Variants in CASTOR2 observed in about 807,000 individuals in gnomAD.
CASTOR2 encodes cytosolic arginine sensor for mTORC1 subunit 2.
In CASTOR2, 8 loss-of-function variants were observed where a neutral mutation model predicts 31.2. That is an observed-to-expected ratio of 0.26 (90% CI 0.15 to 0.46). The LOEUF (loss-of-function observed/expected upper bound fraction) is 0.46, where lower values mean the gene tolerates loss of function less well. Among genes scored for constraint, CASTOR2 ranks in the 20% least tolerant of loss-of-function variants. The probability of loss-of-function intolerance (pLI) is 0.99; values close to 1 mark genes in which losing one functional copy is unlikely to be tolerated. For missense variants in CASTOR2, 216 were observed against 382.1 expected (o/e 0.57, Z 3.62); for synonymous variants, 162 against 158.7 (o/e 1.02, Z -0.16).
At chr7:75,010,531 C>T (rs1384813737) in intron 2 of CASTOR2, among the ~76,000 whole-genome samples, 3 of 152,068 alleles carry the variant, frequency 2.0e-5, no homozygotes, top group South Asian at 2.1e-4. Flanking sequence ...CTGAGACCCT[C>T]GGCTGGCCCA....
At chr7:74,990,535 TAGTG>T (rs1804182837) in intron 1 of CASTOR2, among the ~76,000 whole-genome samples, 1 of 123,130 alleles carries the variant, frequency 8.1e-6, no homozygotes, top group African/African-American at 3.0e-5. Flanking sequence ...TTGTGCAACA[TAGTG>T]AGACCCTGGT....
chr7:75,016,032 C>T (rs1224828617), intron 2 of CASTOR2, among the ~76,000 whole-genome samples: 2 of 152,138 alleles, frequency 1.3e-5, no homozygotes, highest in African/African-American at 4.8e-5. Flanking sequence ...TGCCAATGTA[C>T]TCCAGCCTGG....
chr7:75,006,493 A>T (rs1355997767), intron 1 of CASTOR2, among the ~76,000 whole-genome samples: 1 of 152,136 alleles, frequency 6.6e-6, no homozygotes, highest in African/African-American at 2.4e-5. Context: ...TGACCCATGG[A>T]TACACCAGCC....
chr7:75,004,383 G>A (rs1804562952), intron 1 of CASTOR2, among the ~76,000 whole-genome samples: 1 of 152,034 alleles, frequency 6.6e-6, no homozygotes, highest in African/African-American at 2.4e-5. Context: ...GTGGGTGGTT[G>A]TTCCAGCAGA....
chr7:74,970,021 G>A (rs587678737), intron 1 of CASTOR2, among the ~76,000 whole-genome samples: 2 of 149,964 alleles, frequency 1.3e-5, no homozygotes, highest in African/African-American at 2.4e-5. Context: ...AAACAGAATT[G>A]GGATTTGAAC....
intron 1 of CASTOR2, among the ~76,000 whole-genome samples, chr7:74,999,601 C>CTTTTGTTTTTT (rs1804444708): frequency 2.2e-5 from 1 of 45,760 alleles, no homozygotes; most frequent in African/African-American, 1.3e-4. Context: ...TCACTCACTG[C>CTTTTGTTTTTT]TTTTTTTTTT....
chr7:74,983,696 G>T (rs1187255395), intron 1 of CASTOR2, among the ~76,000 whole-genome samples: 1 of 151,166 alleles, frequency 6.6e-6, no homozygotes, highest in Admixed American at 6.6e-5. Context: ...TGGCACCATG[G>T]TGTGGGGAAT....
chr7:75,002,791 G>A (rs1250748563), intron 1 of CASTOR2, among the ~76,000 whole-genome samples: 4 of 151,850 alleles, frequency 2.6e-5, no homozygotes, highest in Non-Finnish European at 5.9e-5. Context: ...TGACCTTCGA[G>A]TATAGAAGAC....
At chr7:74,973,572 GTACCC>G (rs1488337998) in intron 1 of CASTOR2, among the ~76,000 whole-genome samples, 2 of 57,510 alleles carry the variant, frequency 3.5e-5, no homozygotes, top group African/African-American at 1.4e-4. Flanking sequence ...GTGAGCCACT[GTACCC>G]AGCCATTAAG....
chr7:75,017,478 C>T, intron 2 of CASTOR2, 120 bp from the exon 3 acceptor site: 2 of 1,232,012 alleles, frequency 1.6e-6, no homozygotes, highest in Non-Finnish European at 2.3e-6. Flanking sequence ...GAAAGTGAGG[C>T]AAGGCACAGG....
At chr7:75,004,145 G>A (rs1368889375) in intron 1 of CASTOR2, among the ~76,000 whole-genome samples, 2 of 152,178 alleles carry the variant, frequency 1.3e-5, no homozygotes, top group Non-Finnish European at 1.5e-5. Context: ...CCAGCTCATG[G>A]CAGTCTGGTG....
chr7:74,996,715 CTTTTT>C (rs1179122101), intron 1 of CASTOR2, among the ~76,000 whole-genome samples: 5 of 40,792 alleles, frequency 1.2e-4, no homozygotes, highest in African/African-American at 3.9e-4. Flanking sequence ...ATGCCTGGTG[CTTTTT>C]TTTTTTTTTT....
At chr7:75,016,723 A>G (rs1300361451) in intron 2 of CASTOR2, among the ~76,000 whole-genome samples, 206 of 152,354 alleles carry the variant, frequency 1.4e-3, no homozygotes, top group African/African-American at 3.6e-3. Flanking sequence ...TACTGATGCC[A>G]TCGTTTTACG....
chr7:75,027,133 T>A lies in CASTOR2; in HGVS notation c.*2434T>A, dbSNP rs1265452277. ...ACGCGGGCACATTTGAGCCACCATATATTTTTAATTCAAGTATATAGGCAA... is the reference window on the plus strand; with the variant it reads ...ACGCGGGCACATTTGAGCCACCATAAATTTTTAATTCAAGTATATAGGCAA... On this transcript the variant is annotated 3_prime_UTR_variant, in exon 9 of 9. Coordinates refer to ENST00000616305, the MANE Select transcript of CASTOR2 (RefSeq NM_001145064.3). The A allele has an allele frequency of 6.6e-6, 1 of 152,230 alleles. No individual in the cohort carries two copies. The highest frequency in any genetic ancestry group is 1.5e-5 in the Non-Finnish European group (1 of 68,048). 9.4% of individuals were successfully genotyped at this position (152,230 alleles called of 1,614,324 possible).
At chr7:75,022,013 T>G in intron 7 of CASTOR2, 57 bp downstream of exon 7, 1 of 1,543,542 alleles carries the variant, frequency 6.5e-7, no homozygotes, top group Non-Finnish European at 8.8e-7. Flanking sequence ...CTGAGCCCAT[T>G]CACATACGTT....
intron 1 of CASTOR2, among the ~76,000 whole-genome samples, chr7:74,983,540 T>G (rs1388153255): frequency 2.0e-5 from 3 of 150,496 alleles, no homozygotes; most frequent in African/African-American, 7.4e-5. Flanking sequence ...AAGTGAGATC[T>G]TACAGAGAAA....
intron 1 of CASTOR2, among the ~76,000 whole-genome samples, chr7:74,993,142 T>G (rs1196368939): frequency 6.6e-6 from 1 of 151,992 alleles, no homozygotes; most frequent in Non-Finnish European, 1.5e-5. Context: ...GGATGTTGCA[T>G]GAGCAGAGAT....
intron 2 of CASTOR2, among the ~76,000 whole-genome samples, chr7:75,008,596 C>T (rs1223404003): frequency 4.7e-4 from 72 of 152,068 alleles, no homozygotes; most frequent in African/African-American, 1.3e-3. Flanking sequence ...CTTGAGAGAC[C>T]GAGGCAGGAG....
chr7:75,017,999 C>G lies in CASTOR2; in HGVS notation c.388C>G (p.Arg130Gly), dbSNP rs1804905292. The change falls in exon 4 of 9, where the codon CGG (arginine) becomes GGG (glycine). Residue 130 changes from arginine to glycine, a missense_variant. By Grantham distance (125) the Arg-to-Gly change is moderately radical (BLOSUM62 -2). This residue lies in a region of CASTOR2 where 114 missense variants were observed against 194.2 expected (regional missense o/e 0.59). Transcript: ENST00000616305. ...YQTDFILVRERDLPFVTHTLS... is the reference protein window; with the variant it reads ...YQTDFILVREGDLPFVTHTLS... The stretch of plus-strand genomic sequence containing the variant: ...AACTTCTTGCCCCTAGGTGCGCGAG[C>G]GGGACCTGCCCTTTGTCACCCACAC... 4 of 1,614,066 alleles carry G rather than the reference C, an allele frequency of 2.5e-6. No homozygotes were observed. The highest frequency in any genetic ancestry group is 3.4e-6 in the Non-Finnish European group (4 of 1,180,046).
Sources: allele counts gnomAD v4.1 joint callset (sites outside exome capture counted in the v4.1 genomes callset), GRCh38; gene constraint gnomAD v4.1.1; regional missense constraint gnomAD v4.1.1; transcripts MANE v1.5; gene names NCBI Gene and HGNC (gene_info 2026-07-23, HGNC 2026-07-21).